KIAA1328: variants seen among roughly 807,000 people sequenced by gnomAD.
KIAA1328 encodes KIAA1328.
A neutral mutation model predicts 68.1 loss-of-function variants in KIAA1328; 52 were observed. The observed-to-expected ratio is 0.76, with a 90% CI of 0.61 to 0.96. The LOEUF (loss-of-function observed/expected upper bound fraction) is 0.96, where lower values mean the gene tolerates loss of function less well. KIAA1328 is among the 40% of genes least tolerant of loss of function. KIAA1328 has a pLI of 0.00. For synonymous variants in KIAA1328, 232 were observed against 239.4 expected, an observed-to-expected ratio of 0.97 and a Z score of 0.28; for missense variants, 641 against 677.6, an observed-to-expected ratio of 0.95 and a Z score of 0.60.
At chr18:36,864,866 T>G (rs1054078882) in intron 4 of KIAA1328, among the ~76,000 whole-genome samples, 1 of 152,040 alleles carries the variant, frequency 6.6e-6, no homozygotes, top group African/African-American at 2.4e-5. Context: ...AATTGTTTCT[T>G]TTTTTAAAGC....
chr18:37,005,398 ATACCATCT>A (rs2053743529), intron 6 of KIAA1328, among the ~76,000 whole-genome samples: 1 of 150,894 alleles, frequency 6.6e-6, no homozygotes, highest in Non-Finnish European at 1.5e-5. Context: ...CCAGAGTGTC[ATACCATCT>A]TACCTTAGTC....
chr18:36,894,087 A>G (rs564206000), intron 5 of KIAA1328, among the ~76,000 whole-genome samples: 2 of 152,302 alleles, frequency 1.3e-5, no homozygotes, highest in Non-Finnish European at 2.9e-5. Context: ...AAAGGTAATG[A>G]AACAGCCCAT....
chr18:37,224,686 A>G lies in KIAA1328; in HGVS notation c.*2459A>G. 1.0e-6 allele frequency: 1 copy of G among 985,424 alleles called. No homozygotes were observed. The highest frequency in any genetic ancestry group is 1.2e-6 in the Non-Finnish European group (1 of 829,936). The allele number at this position is 985,424 out of a possible 1,614,324, so 61.0% of individuals were successfully genotyped here. On this transcript the variant is annotated 3_prime_UTR_variant, in exon 10 of 10. Transcript: ENST00000280020. ...ATCCCAAGAGAAAGGATCTGGCACA[A>G]AGGAATCTGCCTTTCCTCCGTCTCA... is the stretch of plus-strand genomic sequence containing the variant.
At chr18:36,956,682 A>G (rs1182969047) in intron 5 of KIAA1328, among the ~76,000 whole-genome samples, 5 of 152,302 alleles carry the variant, frequency 3.3e-5, no homozygotes, top group Non-Finnish European at 1.5e-5. Context: ...AAACGCTGAC[A>G]TTTTACTCCT....
intron 5 of KIAA1328, among the ~76,000 whole-genome samples, chr18:36,898,689 T>G (rs950673470): frequency 5.9e-5 from 9 of 152,024 alleles, no homozygotes; most frequent in African/African-American, 2.2e-4. Context: ...GAGCCACACT[T>G]TTTTAAAGTC....
intron 7 of KIAA1328, among the ~76,000 whole-genome samples, chr18:37,120,420 G>GA (rs998698700): frequency 7.3e-5 from 11 of 150,890 alleles, no homozygotes; most frequent in East Asian, 3.9e-4. Flanking sequence ...ATGGAATGGT[G>GA]AAAAAAAAAT....
intron 7 of KIAA1328, among the ~76,000 whole-genome samples, chr18:37,108,816 A>G (rs2057846765): frequency 6.6e-6 from 1 of 152,160 alleles, no homozygotes; most frequent in African/African-American, 2.4e-5. Context: ...TCTAGGGTAC[A>G]TGTGCACAAT....
intron 4 of KIAA1328, among the ~76,000 whole-genome samples, chr18:36,855,918 T>C (rs1556799529): frequency 2.6e-5 from 4 of 152,044 alleles, no homozygotes; most frequent in Non-Finnish European, 5.9e-5. Flanking sequence ...TTGTCCCAGC[T>C]CTCCTTTCAT....
intron 9 of KIAA1328, among the ~76,000 whole-genome samples, chr18:37,220,073 A>T (rs941505893): frequency 5.9e-5 from 9 of 152,264 alleles, no homozygotes; most frequent in African/African-American, 2.2e-4. Flanking sequence ...ACATTTGCAT[A>T]GATTTCTAAT....
At chr18:36,937,644 G>A (rs1299058261) in intron 5 of KIAA1328, among the ~76,000 whole-genome samples, 8 of 152,038 alleles carry the variant, frequency 5.3e-5, no homozygotes, top group African/African-American at 9.7e-5. Context: ...TAAGAAGTAT[G>A]TTTACATATA....
At position 36,883,952 on chromosome 18, in the gene KIAA1328, G is replaced by GTATATATATATA. The variant is rs58707237; in HGVS notation, c.333-1598_333-1587dup. 8.4e-3 allele frequency among the ~76,000 whole-genome samples: 1,014 copies of GTATATATATATA among 120,794 alleles called. 68 individuals are homozygous for GTATATATATATA. The highest frequency in any genetic ancestry group is 0.014 in the African/African-American group (417 of 30,360). The allele number at this position is 120,794 out of a possible 152,430, so 79.2% of individuals were successfully genotyped here. On this transcript the variant is annotated intron_variant, in intron 4 of 9. Coordinates refer to ENST00000280020, the MANE Select transcript of KIAA1328 (RefSeq NM_020776.3). The stretch of plus-strand genomic sequence containing the variant: ...TACAAATGCTTTCCATATTTATAAA[G>GTATATATATATA]TATATATATATATATATACACACAC...
At chr18:37,092,672 A>G (rs528389542) in intron 7 of KIAA1328, among the ~76,000 whole-genome samples, 2 of 152,158 alleles carry the variant, frequency 1.3e-5, no homozygotes, top group South Asian at 2.1e-4. Flanking sequence ...CCTGCTCACC[A>G]CTGGCAAATG....
chr18:36,851,121 T>A (rs1461881813), intron 4 of KIAA1328, among the ~76,000 whole-genome samples: 1 of 152,164 alleles, frequency 6.6e-6, no homozygotes, highest in Non-Finnish European at 1.5e-5. Context: ...TTGATTAATT[T>A]TCTTGTGTTG....
chr18:36,925,281 G>A (rs976943029), intron 5 of KIAA1328, among the ~76,000 whole-genome samples: 1 of 152,010 alleles, frequency 6.6e-6, no homozygotes, highest in Non-Finnish European at 1.5e-5. Flanking sequence ...AGAATACTAC[G>A]GATTCTGGAG....
intron 6 of KIAA1328, among the ~76,000 whole-genome samples, chr18:36,984,118 T>C (rs1249900640): frequency 6.6e-6 from 1 of 152,112 alleles, no homozygotes; most frequent in East Asian, 1.9e-4. Flanking sequence ...TGATAAAGCT[T>C]ATATGAAAAT....
chr18:37,137,252 A>G (rs2058666256), intron 7 of KIAA1328, among the ~76,000 whole-genome samples: 1 of 151,930 alleles, frequency 6.6e-6, no homozygotes, highest in African/African-American at 2.4e-5. Flanking sequence ...TCAAATCCAA[A>G]TGTCTCTTGC....
chr18:36,846,216 A>T (rs932711532), intron 4 of KIAA1328, among the ~76,000 whole-genome samples: 1 of 151,602 alleles, frequency 6.6e-6, no homozygotes, highest in Non-Finnish European at 1.5e-5. Flanking sequence ...GCAACAAAAC[A>T]TTCCCAGTTT....
chr18:36,942,735 A>C (rs1482119063), intron 5 of KIAA1328, among the ~76,000 whole-genome samples: 4 of 152,068 alleles, frequency 2.6e-5, no homozygotes, highest in Non-Finnish European at 5.9e-5. Context: ...CTTTTAATTG[A>C]TCTCTTGTGT....
At chr18:36,959,483 A>G in intron 6 of KIAA1328, 48 bp downstream of exon 6, 1 of 1,566,530 alleles carries the variant, frequency 6.4e-7, no homozygotes, top group Non-Finnish European at 8.6e-7. Flanking sequence ...GATCAGCAAG[A>G]TGTCAGAAGA....
Sources: gnomAD v4.1 joint callset for allele counts (sites outside exome capture counted in the v4.1 genomes callset) on GRCh38, gnomAD v4.1.1 for gene constraint, MANE v1.5 for transcripts, NCBI Gene and HGNC (gene_info 2026-07-23, HGNC 2026-07-21) for gene names.